Variants in NUMBL observed in about 807,000 individuals in gnomAD.
The protein encoded by NUMBL is NUMB like endocytic adaptor protein.
NUMBL carries 20 observed loss-of-function variants against 48.9 expected under a neutral mutation model. The ratio of observed to expected loss-of-function variants is 0.41; its 90% CI spans 0.29 to 0.59. The LOEUF is 0.59. Ranked by LOEUF, NUMBL falls within the 20% of genes least tolerant of loss-of-function variation. The pLI, the probability that NUMBL is intolerant of heterozygous loss-of-function variation, is 0.31. For missense variants in NUMBL, 660 were observed against 846.2 expected (o/e 0.78, Z 2.73); for synonymous variants, 340 against 348.7 (o/e 0.98, Z 0.28).
At chr19:40,686,066 G>C (rs2604878) in intron 2 of NUMBL, 35,703 of 152,710 alleles carry the variant, frequency 0.23, 4,539 homozygotes, top group African/African-American at 0.32. Context: ...GAGAGCCTGG[G>C]CCCGCGGGTG....
chr19:40,675,506 AAAT>A (rs1299101798), intron 7 of NUMBL, among the ~76,000 whole-genome samples: 4 of 139,144 alleles, frequency 2.9e-5, no homozygotes, highest in Non-Finnish European at 6.4e-5. Context: ...TAAAATAAAT[AAAT>A]AAATTAATTA....
At chr19:40,678,364 T>C (rs2081888953) in intron 6 of NUMBL, among the ~76,000 whole-genome samples, 2 of 152,190 alleles carry the variant, frequency 1.3e-5, no homozygotes, top group African/African-American at 4.8e-5. Context: ...GATTTCATGA[T>C]GTTGGTGAGG....
chr19:40,667,243 A>G lies in NUMBL; in HGVS notation c.*225T>C. 1.6e-6 allele frequency: 1 copy of G among 610,712 alleles called. No homozygotes were observed. The highest frequency in any genetic ancestry group is 2.0e-5 in the South Asian group (1 of 49,006). The allele number at this position is 610,712 out of a possible 1,614,324, so 37.8% of individuals were successfully genotyped here. A position where few individuals can be genotyped will look rare whatever the true frequency, so the allele number is the denominator to read the frequency against. ...CATTGCCAGCCTAAGTCCGGCAGTG[A>G]AATGGTTCCCTTAGCCAGGCTGGGT... On this transcript the variant is annotated 3_prime_UTR_variant, in exon 10 of 10. Transcript: ENST00000252891. The surrounding 1 kb of genome is among the most constrained non-coding windows in gnomAD (Gnocchi z 6.1).
Position 40,666,083 on chromosome 19 carries a change from A to C in NUMBL, c.*1385T>G, listed in dbSNP as rs1345611659. The C allele has an allele frequency of 6.6e-6, 1 of 152,070 alleles. No homozygotes were observed. The highest frequency in any genetic ancestry group is 1.5e-5 in the Non-Finnish European group (1 of 68,036). The allele number at this position is 152,070 out of a possible 1,614,324, so 9.4% of individuals were successfully genotyped here. The stretch of plus-strand genomic sequence containing the variant: ...CAAGAATTTGCCAGCATGGGCAAAG[A>C]TATACTGTTACCAACCCAACTTGTT... On this transcript the variant is annotated 3_prime_UTR_variant, in exon 10 of 10. Coordinates refer to ENST00000252891, the MANE Select transcript of NUMBL (RefSeq NM_004756.5).
At chr19:40,670,137 G>GT in intron 8 of NUMBL, 117 bp from the exon 9 acceptor site, 7 of 1,277,260 alleles carry the variant, frequency 5.5e-6, no homozygotes, top group Non-Finnish European at 7.4e-6. Flanking sequence ...TCCCACTGTA[G>GT]TAACTAAGTG....
chr19:40,667,967 T>A lies in NUMBL; in HGVS notation c.1331A>T (p.Gln444Leu). The change falls in exon 10 of 10, where the codon CAG becomes CTG. Residue 444 changes from glutamine (Q) to leucine (L), a missense_variant. By Grantham distance (113) the Gln-to-Leu change is moderately radical (BLOSUM62 -2). Coordinates refer to ENST00000252891, the MANE Select transcript of NUMBL (RefSeq NM_004756.5). The surrounding 1 kb of genome is among the most constrained non-coding windows in gnomAD (Gnocchi z 6.1). ...QQQQQQQQQQQQQAASVAPVP... is the reference protein window; with the variant it reads ...QQQQQQQQQQLQQAASVAPVP... ...TGGGGCCACTGAGGCTGCTTGCTGC[T>A]GTTGCTGCTGCTGCTGCTGCTGCTG... The A allele has an allele frequency of 1.4e-6, 2 of 1,478,348 alleles. No homozygotes were observed. The highest frequency in any genetic ancestry group is 1.8e-6 in the Non-Finnish European group (2 of 1,123,648). The allele number at this position is 1,478,348 out of a possible 1,614,324, so 91.6% of individuals were successfully genotyped here.
At position 40,687,815 on chromosome 19, in the gene NUMBL, T is replaced by C. The variant is rs758625045; in HGVS notation, c.25-820A>G. ...GTATCTCCACTGCTGCACACTGACA[T>C]CTGGTCACAGATGCACACGGACAGA... On this transcript the variant is annotated intron_variant, in intron 1 of 9. Transcript: ENST00000252891. The surrounding 1 kb of genome is among the most constrained non-coding windows in gnomAD (Gnocchi z 4.6). Among the ~76,000 whole-genome samples the C allele has an allele frequency of 3.3e-5, 5 of 152,152 alleles. No individual in the cohort carries two copies. Among genetic ancestry groups the C allele is most frequent in the Admixed American group, 1.3e-4 (2 of 15,276 alleles).
chr19:40,684,686 A>T, intron 2 of NUMBL, 130 bp from the exon 3 acceptor site: 1 of 1,288,150 alleles, frequency 7.8e-7, no homozygotes, highest in Non-Finnish European at 1.0e-6. Flanking sequence ...TTACAGGGTC[A>T]GTTGGCAGCG....
At position 40,677,239 on chromosome 19, in the gene NUMBL, C is replaced by A. The variant is rs2081880965; in HGVS notation, c.723G>T (p.Lys241Asn). The A allele has an allele frequency of 6.4e-7, 1 of 1,559,048 alleles. No homozygotes were observed. Among genetic ancestry groups the A allele is most frequent in the Non-Finnish European group, 8.7e-7 (1 of 1,152,158 alleles). ...GRPAEREAPD[K>N]KKAEAAAAPT... is the part of the protein sequence containing the mutation. ...GCTTGGGGCAACACCCACCTTTCTT[C>A]TTGTCCGGGGCCTCTCGCTCAGCAG... Residue 241 changes from lysine to asparagine, a missense_variant, in exon 7 of 10, where the codon AAG becomes AAT. Coordinates refer to ENST00000252891, the MANE Select transcript of NUMBL (RefSeq NM_004756.5).
rs953297785 is a variant in NUMBL at position 40,675,439 on chromosome 19, A to G, written c.731-1790T>C. ...CTCCCTTAATCAGGATCAGTTCCCA[A>G]TGGTAAATTCTTTGTAAATTCTAAG... On this transcript the variant is annotated intron_variant, in intron 7 of 9. Transcript: ENST00000252891. Among the ~76,000 whole-genome samples the G allele has an allele frequency of 3.9e-5, 6 of 151,958 alleles. No individual in the cohort carries two copies. The South Asian group carries it at 6.2e-4, about 16-fold the overall frequency.
At chr19:40,689,315 T>A (rs1301218855) in intron 1 of NUMBL, among the ~76,000 whole-genome samples, 1 of 151,610 alleles carries the variant, frequency 6.6e-6, no homozygotes, top group Non-Finnish European at 1.5e-5. Context: ...ACAGACAGAC[T>A]AAAAAGTACA....
At chr19:40,670,526 A>C (rs1282084993) in intron 8 of NUMBL, among the ~76,000 whole-genome samples, 1 of 151,882 alleles carries the variant, frequency 6.6e-6, no homozygotes, top group Non-Finnish European at 1.5e-5. Flanking sequence ...GGAGACACTG[A>C]GCAGGCATGG....
intron 1 of NUMBL, 135 bp downstream of exon 1, chr19:40,690,324 TG>T: frequency 2.2e-6 from 1 of 463,516 alleles, no homozygotes; most frequent in Non-Finnish European, 3.5e-6. Context: ...GGCCTGTTCC[TG>T]GACCCCCACC....
chr19:40,668,028 C>A lies in NUMBL; in HGVS notation c.1270G>T (p.Ala424Ser). The A allele has an allele frequency of 6.4e-7, 1 of 1,574,088 alleles. No homozygotes were observed. The highest frequency in any genetic ancestry group is 2.3e-5 in the East Asian group (1 of 43,246). ...TGCTGCTGCTGCTGCTGGGCCTTGG[C>A]CACCTGTGACACCTCCTCCAGCCAT... is the stretch of plus-strand genomic sequence containing the variant. The part of the protein sequence containing the change: ...ERWLEEVSQV[A>S]KAQQQQQQQQ... The change falls in exon 10 of 10, where the codon GCC becomes TCC. Residue 424 changes from alanine (A) to serine (S), a missense_variant. This residue lies in a region of NUMBL where 296 missense variants were observed against 339.7 expected (regional missense o/e 0.87). Transcript: ENST00000252891.
At chr19:40,670,290 G>C (rs1011837350) in intron 8 of NUMBL, among the ~76,000 whole-genome samples, 9 of 152,216 alleles carry the variant, frequency 5.9e-5, no homozygotes, top group Non-Finnish European at 1.2e-4. Flanking sequence ...CCACAAACCA[G>C]AAGAGTTGTC....
At chr19:40,684,819 G>A (rs1027293476) in intron 2 of NUMBL, 12 of 456,274 alleles carry the variant, frequency 2.6e-5, no homozygotes, top group African/African-American at 2.1e-4. Flanking sequence ...GAGGTCTGGG[G>A]TGGGGGGTAT....
Position 40,673,311 on chromosome 19 carries a change from C to T in NUMBL, c.1036+33G>A. 6.4e-7 allele frequency: 1 copy of T among 1,569,172 alleles called. No individual in the cohort carries two copies. Among genetic ancestry groups the T allele is most frequent in the South Asian group, 1.2e-5 (1 of 85,088 alleles). ...CCACATCAGATAGTGCCAATTGATT[C>T]CAACGCCGTTTCCCACTGGGCCCAG... On this transcript the variant is annotated intron_variant, in intron 8 of 9. Coordinates refer to ENST00000252891, the MANE Select transcript of NUMBL (RefSeq NM_004756.5). This position sits in a 1 kb window ranked among gnomAD's most constrained non-coding sequence, Gnocchi z 5.9.
chr19:40,669,550 G>C, intron 9 of NUMBL, among the ~76,000 whole-genome samples: 1 of 150,932 alleles, frequency 6.6e-6, no homozygotes, highest in East Asian at 2.0e-4. Flanking sequence ...ACGATTCTCA[G>C]ATAATCCCAT....
At chr19:40,683,021 A>G (rs1207614368) in intron 3 of NUMBL, 53 bp from the exon 4 acceptor site, 5 of 1,490,270 alleles carry the variant, frequency 3.4e-6, no homozygotes, top group Non-Finnish European at 3.7e-6. Context: ...GTAATCACTC[A>G]TTCTCAGTGT....
Sources: allele counts gnomAD v4.1 joint callset (sites outside exome capture counted in the v4.1 genomes callset), GRCh38; gene constraint gnomAD v4.1.1; regional missense constraint gnomAD v4.1.1; non-coding constraint Gnocchi (gnomAD v3.1); transcripts MANE v1.5; gene names NCBI Gene and HGNC (gene_info 2026-07-23, HGNC 2026-07-21).